Variants in TBC1D13 observed in about 807,000 individuals in gnomAD.
The protein encoded by TBC1D13 is epididymis secretory sperm binding protein.
In TBC1D13, 40 loss-of-function variants were observed where a neutral mutation model predicts 53.6. The observed-to-expected ratio is 0.75, with a 90% CI of 0.58 to 0.97. The LOEUF is 0.97. TBC1D13 is among the 50% of genes least tolerant of loss of function. The probability of loss-of-function intolerance (pLI) is 0.00; values close to 1 mark genes in which losing one functional copy is unlikely to be tolerated. For synonymous variants in TBC1D13, 182 were observed against 197.7 expected (o/e 0.92, Z 0.67); for missense variants, 377 against 499.4 (o/e 0.75, Z 2.34).
intron 2 of TBC1D13, 79 bp from the exon 3 acceptor site, chr9:128,790,656 G>A (rs1018670259): frequency 2.5e-5 from 34 of 1,378,114 alleles, no homozygotes; most frequent in Middle Eastern, 3.7e-4. Flanking sequence ...TCTACTCCCC[G>A]CCAGTTGGCT....
intron 7 of TBC1D13, among the ~76,000 whole-genome samples, chr9:128,799,697 G>T (rs932947808): frequency 7.2e-5 from 11 of 152,176 alleles, no homozygotes; most frequent in Non-Finnish European, 1.3e-4. Flanking sequence ...TTAAATGGAG[G>T]AATACCTGTA....
chr9:128,798,283 G>A (rs1198568712), intron 7 of TBC1D13, among the ~76,000 whole-genome samples: 1 of 152,108 alleles, frequency 6.6e-6, no homozygotes, highest in Non-Finnish European at 1.5e-5. Flanking sequence ...AACATTCCAG[G>A]TGGAGAGGAG....
rs1829649997 is a variant in TBC1D13, at chr9:128,797,308, C to T, written c.543+94C>T. ...CTGGCCACAAGGTGTCGGGCCATGA[C>T]CATCTGCTTGACAGTTACTCAGCGC... is the stretch of plus-strand genomic sequence containing the variant. On this transcript the variant is annotated intron_variant, in intron 7 of 11. Transcript: ENST00000372648. 5 of 1,344,264 alleles carry T rather than the reference C, an allele frequency of 3.7e-6. No individual in the cohort carries two copies. The Admixed American group carries it at 8.1e-5, about 22-fold the overall frequency. The allele number at this position is 1,344,264 out of a possible 1,614,324, so 83.3% of individuals were successfully genotyped here. A position where few individuals can be genotyped will look rare whatever the true frequency, so the allele number is the denominator to read the frequency against.
chr9:128,791,308 T>C, intron 3 of TBC1D13, 72 bp from the exon 4 acceptor site: 1 of 1,406,786 alleles, frequency 7.1e-7, no homozygotes, highest in Admixed American at 1.7e-5. Context: ...TCTTGAGGCC[T>C]GTCATCCCCG....
intron 5 of TBC1D13, 47 bp from the exon 6 acceptor site, chr9:128,792,445 G>C (rs111487485): frequency 6.3e-7 from 1 of 1,582,856 alleles, no homozygotes; most frequent in Non-Finnish European, 8.7e-7. Flanking sequence ...ATCGGGCCCC[G>C]GGGCCTAGCT....
chr9:128,794,905 A>G (rs747317119), intron 6 of TBC1D13, among the ~76,000 whole-genome samples: 3 of 151,726 alleles, frequency 2.0e-5, no homozygotes, highest in Non-Finnish European at 4.4e-5. Flanking sequence ...ATCACATTCT[A>G]GACACCATCT....
intron 7 of TBC1D13, among the ~76,000 whole-genome samples, chr9:128,800,232 G>T (rs771940204): frequency 8.5e-5 from 13 of 152,208 alleles, no homozygotes; most frequent in Non-Finnish European, 1.8e-4. Flanking sequence ...GCTTCCGCCT[G>T]AGCAGGCCTA....
chr9:128,793,774 G>T (rs1829577832), intron 6 of TBC1D13, among the ~76,000 whole-genome samples: 1 of 152,180 alleles, frequency 6.6e-6, no homozygotes, highest in South Asian at 2.1e-4. Flanking sequence ...GACCCGCAGT[G>T]ACCCTTCAGA....
chr9:128,790,757 G>T lies in TBC1D13; in HGVS notation c.120G>T (p.Leu40=). ...CAGGCATCCCCTGTGAGGGCGGACT[G>T]CGGTGCCTCTGCTGGAAGGTGGGTG... ...SFSGIPCEGG[L]RCLCWKILLN... Residue 40 remains leucine, a synonymous_variant, in exon 3 of 12, where the codon CTG becomes CTT. Coordinates refer to ENST00000372648, the MANE Select transcript of TBC1D13 (RefSeq NM_018201.5). The T allele has an allele frequency of 1.3e-6, 2 of 1,554,794 alleles. No homozygotes were observed. Among genetic ancestry groups the T allele is most frequent in the East Asian group, 4.9e-5 (2 of 40,462 alleles).
intron 6 of TBC1D13, among the ~76,000 whole-genome samples, chr9:128,796,131 A>G (rs1047718922): frequency 6.6e-6 from 1 of 152,232 alleles, no homozygotes; most frequent in African/African-American, 2.4e-5. Flanking sequence ...TCTGTCACCC[A>G]GGCTGGAGCG....
rs71497413 is a variant in TBC1D13, at chr9:128,808,408, C to CTT, written c.*529_*530insTT. On this transcript the variant is annotated 3_prime_UTR_variant, in exon 12 of 12. Transcript: ENST00000372648. ...GGCCCAAGTCCCCAGGCATCTTCTCCGTGTGTGTGTGTGTGTGTGTGTGTG... is the reference window on the plus strand; with the variant it reads ...GGCCCAAGTCCCCAGGCATCTTCTCCTTGTGTGTGTGTGTGTGTGTGTGTGTG... 8.2e-6 allele frequency: 1 copy of CTT among 121,720 alleles called. No individual in the cohort carries two copies. Among genetic ancestry groups the CTT allele is most frequent in the Non-Finnish European group, 1.6e-5 (1 of 62,572 alleles). 7.5% of individuals were successfully genotyped at this position (121,720 alleles called of 1,614,324 possible).
chr9:128,790,074 TG>T (rs1408539682), intron 2 of TBC1D13: 1 of 151,166 alleles, frequency 6.6e-6, no homozygotes, highest in African/African-American at 2.4e-5. Context: ...CTGGCCAATA[TG>T]GTGAAACCCT....
chr9:128,796,198 G>A (rs1829627754), intron 6 of TBC1D13, among the ~76,000 whole-genome samples: 1 of 151,822 alleles, frequency 6.6e-6, no homozygotes, highest in Admixed American at 6.6e-5. Context: ...AGCAATTCCT[G>A]TGTCAGCCTC....
At chr9:128,787,544 C>T (rs1002545252) in intron 1 of TBC1D13, among the ~76,000 whole-genome samples, 168 bp downstream of exon 1, 3 of 152,070 alleles carry the variant, frequency 2.0e-5, no homozygotes, top group Admixed American at 6.5e-5. Context: ...GCAGGAACGA[C>T]GGAGGGGCGG....
intron 11 of TBC1D13, among the ~76,000 whole-genome samples, chr9:128,806,722 C>A (rs1409903532): frequency 1.3e-5 from 2 of 152,066 alleles, no homozygotes; most frequent in East Asian, 3.9e-4. Flanking sequence ...GTGGGTGGAC[C>A]ACCTGAGGTC....
chr9:128,797,867 G>A (rs573888559), intron 7 of TBC1D13, among the ~76,000 whole-genome samples: 2 of 152,358 alleles, frequency 1.3e-5, no homozygotes, highest in South Asian at 2.1e-4. Context: ...CAGCACTTTG[G>A]CAGGCCAAGA....
chr9:128,806,344 C>T (rs1317793509), intron 11 of TBC1D13, 33 bp downstream of exon 11: 1 of 1,612,756 alleles, frequency 6.2e-7, no homozygotes, highest in South Asian at 1.1e-5. Context: ...TCAGCCACTG[C>T]CATGAGGCTG....
Position 128,788,421 on chromosome 9 carries a change from C to G in TBC1D13, c.97+14C>G. The G allele has an allele frequency of 1.2e-6, 2 of 1,612,946 alleles. No homozygotes were observed. Among genetic ancestry groups the G allele is most frequent in the Non-Finnish European group, 1.7e-6 (2 of 1,179,068 alleles). Reference sequence around the variant, plus strand: ...TCAGCTTTAGTGGTAAGAAGCCATTCTGTATTTTCACGGTTTCCCTACAGC... The same window carrying G: ...TCAGCTTTAGTGGTAAGAAGCCATTGTGTATTTTCACGGTTTCCCTACAGC... On this transcript the variant is annotated intron_variant, in intron 2 of 11. Coordinates refer to ENST00000372648, the MANE Select transcript of TBC1D13 (RefSeq NM_018201.5).
intron 1 of TBC1D13, among the ~76,000 whole-genome samples, chr9:128,787,754 T>C (rs1829455570): frequency 6.6e-6 from 1 of 151,082 alleles, no homozygotes; most frequent in Non-Finnish European, 1.5e-5. Context: ...GCTAGAGAAC[T>C]TGCATTCTCC....
Sources: allele counts gnomAD v4.1 joint callset (sites outside exome capture counted in the v4.1 genomes callset), GRCh38; gene constraint gnomAD v4.1.1; transcripts MANE v1.5; gene names NCBI Gene and HGNC (gene_info 2026-07-23, HGNC 2026-07-21).